TXNL4B: variants seen among roughly 807,000 people sequenced by gnomAD.
TXNL4B encodes thioredoxin like 4B, also known as thioredoxin-like protein 4B.
In TXNL4B, 12 loss-of-function variants were observed where a neutral mutation model predicts 13.0. The observed-to-expected ratio is 0.92, with a 90% confidence interval of 0.59 to 1.49. The LOEUF is 1.49. TXNL4B is among the 40% of genes most tolerant of loss of function. The pLI, the probability that TXNL4B is intolerant of heterozygous loss-of-function variation, is 0.00. For synonymous variants in TXNL4B, 59 were observed against 58.9 expected (o/e 1.00, Z -0.01); for missense variants, 214 against 173.6 (o/e 1.23, Z -1.31).
intron 1 of TXNL4B, among the ~76,000 whole-genome samples, chr16:72,091,392 A>T (rs377734589): frequency 6.6e-6 from 1 of 152,136 alleles, no homozygotes; most frequent in East Asian, 1.9e-4. Flanking sequence ...ACCTTTGCTC[A>T]TGCAACCACC....
Position 72,084,976 on chromosome 16 carries a change from T to G in TXNL4B, c.*1661A>C, listed in dbSNP as rs1182255636. 14 of 398,472 alleles carry G rather than the reference T, an allele frequency of 3.5e-5. No individual in the cohort carries two copies. Among genetic ancestry groups the G allele is most frequent in the Non-Finnish European group, 6.2e-5 (14 of 226,078 alleles). 24.7% of individuals were successfully genotyped at this position (398,472 alleles called of 1,614,324 possible). The stretch of plus-strand genomic sequence containing the variant: ...TTTTGTTCTTCTTAGCATATCGATG[T>G]TTTACGTGATGCTGGGCACCTCGGG... On this transcript the variant is annotated 3_prime_UTR_variant, in exon 4 of 4. Transcript: ENST00000268483.
In TXNL4B at chr16:72,086,621, G is replaced by A. The variant is rs1567595455; in HGVS notation, c.*16C>T. On this transcript the variant is annotated 3_prime_UTR_variant, in exon 4 of 4. Transcript: ENST00000268483. ...AAGATGTGCCTTCTTCTTCATCTTTGACAGCAATTAATGTACTAAATGTCT... is the reference window on the plus strand; with the variant it reads ...AAGATGTGCCTTCTTCTTCATCTTTAACAGCAATTAATGTACTAAATGTCT... 1 of 1,601,896 alleles carries A rather than the reference G, an allele frequency of 6.2e-7. No homozygotes were observed. Among genetic ancestry groups the A allele is most frequent in the South Asian group, 1.1e-5 (1 of 90,322 alleles).
intron 2 of TXNL4B, among the ~76,000 whole-genome samples, chr16:72,089,769 TA>T (rs1187167431): frequency 6.6e-6 from 1 of 152,260 alleles, no homozygotes; most frequent in African/African-American, 2.4e-5. Context: ...GTAACTGTCC[TA>T]AGTGCTTAAC....
intron 2 of TXNL4B, 26 bp from the exon 3 acceptor site, chr16:72,089,164 T>C: frequency 5.7e-6 from 9 of 1,588,030 alleles, no homozygotes; most frequent in Non-Finnish European, 7.7e-6. Flanking sequence ...GAGACAAAGG[T>C]TACAATATGA....
rs1480710562 is a variant in TXNL4B at position 72,093,368 on chromosome 16, T to G, written c.-39A>C. The G allele has an allele frequency of 3.3e-5, 5 of 152,394 alleles. No individual in the cohort carries two copies. The East Asian group carries it at 9.6e-4, about 29-fold the overall frequency. 9.4% of individuals were successfully genotyped at this position (152,394 alleles called of 1,614,324 possible). A position where few individuals can be genotyped will look rare whatever the true frequency, so the allele number is the denominator to read the frequency against. On this transcript the variant is annotated splice_region_variant and 5_prime_UTR_variant, in exon 1 of 4. Coordinates refer to ENST00000268483, the MANE Select transcript of TXNL4B (RefSeq NM_017853.3). ...GCGCTAAGGGACCCCAGCACTTACC[T>G]TACTCGTCCACGCCGCCTCACTCCC...
chr16:72,092,251 A>G (rs1181657316), intron 1 of TXNL4B, among the ~76,000 whole-genome samples: 1 of 152,172 alleles, frequency 6.6e-6, no homozygotes, highest in African/African-American at 2.4e-5. Flanking sequence ...TCTACTAAAA[A>G]TACAAAAAAT....
At position 72,087,661 on chromosome 16, in the gene TXNL4B, T is replaced by G. The variant is rs193205521; in HGVS notation, c.285-859A>C. Among the ~76,000 whole-genome samples the G allele has an allele frequency of 3.8e-3, 584 of 151,944 alleles. 11 individuals are homozygous for G. In the East Asian group the frequency reaches 0.066, roughly 17 times the overall value. ...CTTTAAAATACTTTTGTGTTTTTTT[T>G]TTGTTGTTGTTGTTGTTGTTTTGCG... On this transcript the variant is annotated intron_variant, in intron 3 of 3. Transcript: ENST00000268483.
intron 1 of TXNL4B, 90 bp from the exon 2 acceptor site, chr16:72,090,876 T>G: frequency 2.9e-6 from 3 of 1,026,130 alleles, no homozygotes; most frequent in Non-Finnish European, 4.3e-6. Context: ...AGCTAATGTA[T>G]TCACATGGTA....
intron 3 of TXNL4B, chr16:72,087,223 A>G (rs1376334843): frequency 6.5e-6 from 1 of 154,668 alleles, no homozygotes; most frequent in Non-Finnish European, 1.4e-5. Context: ...ATTTTTTAGA[A>G]AAGTATCTCA....
In TXNL4B at chr16:72,090,650, C is replaced by T; in HGVS notation, c.100G>A (p.Glu34Lys). Residue 34 changes from glutamate to lysine, a missense_variant, in exon 2 of 4, where the codon GAA becomes AAA. Coordinates refer to ENST00000268483, the MANE Select transcript of TXNL4B (RefSeq NM_017853.3). ...KVLVLRFGRDEDPVCLQLDDI... is the reference protein window; with the variant it reads ...KVLVLRFGRDKDPVCLQLDDI... ...TCTAGCTGCAGACAGACAGGATCTT[C>T]ATCTCTCCCAAACCTGAGAACCAAC... The T allele has an allele frequency of 6.2e-7, 1 of 1,614,168 alleles. No homozygotes were observed. The highest frequency in any genetic ancestry group is 8.5e-7 in the Non-Finnish European group (1 of 1,180,018).
rs544484658 is a variant in TXNL4B at position 72,085,817 on chromosome 16, A to C, written c.*820T>G. 6.6e-6 allele frequency: 1 copy of C among 152,444 alleles called. No individual in the cohort carries two copies. Among genetic ancestry groups the C allele is most frequent in the Non-Finnish European group, 1.5e-5 (1 of 68,108 alleles). The allele number at this position is 152,444 out of a possible 1,614,324, so 9.4% of individuals were successfully genotyped here. On this transcript the variant is annotated 3_prime_UTR_variant, in exon 4 of 4. Coordinates refer to ENST00000268483, the MANE Select transcript of TXNL4B (RefSeq NM_017853.3). ...CAGGAGATCGAGACCATCTTGGCTAACACGGTGAAACTGCGCCTCTATAAA... is the reference window on the plus strand; with the variant it reads ...CAGGAGATCGAGACCATCTTGGCTACCACGGTGAAACTGCGCCTCTATAAA...
At chr16:72,087,477 T>C (rs1180816920) in intron 3 of TXNL4B, 1 of 152,176 alleles carries the variant, frequency 6.6e-6, no homozygotes, top group Non-Finnish European at 1.5e-5. Flanking sequence ...ATTTGTTAAA[T>C]GTGCATCTGC....
Position 72,086,208 on chromosome 16 carries a change from T to C in TXNL4B, c.*429A>G, listed in dbSNP as rs181155460. 7.9e-3 allele frequency: 1,231 copies of C among 156,752 alleles called. 61 individuals are homozygous for C. The highest frequency in any genetic ancestry group is 0.07 in the Admixed American group (1,126 of 16,050). The allele number at this position is 156,752 out of a possible 1,614,324, so 9.7% of individuals were successfully genotyped here. ...GTGGGGGTGTGTGTGTGTGTGTGTG[T>C]GCACACACATGCACCCAGCTAGGGT... On this transcript the variant is annotated 3_prime_UTR_variant, in exon 4 of 4. Transcript: ENST00000268483.
intron 1 of TXNL4B, among the ~76,000 whole-genome samples, chr16:72,093,162 C>T (rs186252871): frequency 6.6e-6 from 1 of 152,230 alleles, no homozygotes; most frequent in Non-Finnish European, 1.5e-5. Flanking sequence ...AAAGCTTGAA[C>T]TCACTTTTGT....
chr16:72,092,530 G>T (rs1020950179), intron 1 of TXNL4B, among the ~76,000 whole-genome samples: 47 of 152,216 alleles, frequency 3.1e-4, no homozygotes, highest in African/African-American at 1.1e-3. Flanking sequence ...GACGTCATCA[G>T]ATGTGAGCAG....
chr16:72,088,282 A>G (rs558073559), intron 3 of TXNL4B, among the ~76,000 whole-genome samples: 1 of 152,238 alleles, frequency 6.6e-6, no homozygotes, highest in African/African-American at 2.4e-5. Context: ...TTTAAAACAG[A>G]TAATATTTCA....
Position 72,089,058 on chromosome 16 carries a change from C to G in TXNL4B, c.213G>C (p.Gln71His). The G allele has an allele frequency of 6.2e-7, 1 of 1,611,572 alleles. No homozygotes were observed. Among genetic ancestry groups the G allele is most frequent in the East Asian group, 2.2e-5 (1 of 44,860 alleles). ...ATGGAATATAACTGATGTCAAAATACTGTGTATAAACTGCAGTTTGGTCCA... is the reference window on the plus strand; with the variant it reads ...ATGGAATATAACTGATGTCAAAATAGTGTGTATAAACTGCAGTTTGGTCCA... ...VDVDQTAVYTQYFDISYIPST... is the reference protein window; with the variant it reads ...VDVDQTAVYTHYFDISYIPST... Residue 71 changes from glutamine (Q) to histidine (H), a missense_variant, in exon 3 of 4, where the codon CAG (glutamine) becomes CAC (histidine). By Grantham distance (24) the Gln-to-His change is conservative. Coordinates refer to ENST00000268483, the MANE Select transcript of TXNL4B (RefSeq NM_017853.3).
chr16:72,091,753 C>G (rs1445019878), intron 1 of TXNL4B, among the ~76,000 whole-genome samples: 2 of 152,142 alleles, frequency 1.3e-5, no homozygotes, highest in African/African-American at 4.8e-5. Flanking sequence ...CATTACACGG[C>G]AAACAGATCA....
chr16:72,089,184 TA>T (rs2041866675), intron 2 of TXNL4B, 46 bp from the exon 3 acceptor site: 1 of 1,534,588 alleles, frequency 6.5e-7, no homozygotes, highest in African/African-American at 1.4e-5. Context: ...AGAGGCAGCT[TA>T]ATGTTTCTTC....
Sources: allele counts gnomAD v4.1 joint callset (sites outside exome capture counted in the v4.1 genomes callset), GRCh38; gene constraint gnomAD v4.1.1; transcripts MANE v1.5; gene names NCBI Gene and HGNC (gene_info 2026-07-23, HGNC 2026-07-21).